Variants in RBFOX1 observed in about 807,000 individuals in gnomAD.
RBFOX1 encodes RNA binding protein fox-1 homolog 1.
In RBFOX1, 8 loss-of-function variants were observed where a neutral mutation model predicts 57.7. The observed-to-expected ratio is 0.14, with a 90% CI of 0.08 to 0.25. The LOEUF (loss-of-function observed/expected upper bound fraction) is 0.25, where lower values mean the gene tolerates loss of function less well. Among genes scored for constraint, RBFOX1 ranks in the 10% least tolerant of loss-of-function variants. The pLI, the probability that RBFOX1 is intolerant of heterozygous loss-of-function variation, is 1.00. For synonymous variants in RBFOX1, 326 were observed against 222.4 expected (o/e 1.47, Z -4.15); for missense variants, 611 against 548.5 (o/e 1.11, Z -1.14).
intron 4 of RBFOX1, among the ~76,000 whole-genome samples, chr16:7,313,104 C>A (rs976596587): frequency 2.0e-5 from 3 of 152,152 alleles, no homozygotes; most frequent in African/African-American, 7.2e-5. Flanking sequence ...ACTTCCACAT[C>A]ACTCTTCATC....
chr16:6,762,003 G>A (rs375360145), intron 3 of RBFOX1, among the ~76,000 whole-genome samples: 325 of 152,154 alleles, frequency 2.1e-3, no homozygotes, highest in Middle Eastern at 3.4e-3. Flanking sequence ...GCTCAAGCTC[G>A]ACAACTCTAC....
At chr16:7,282,208 C>T (rs545968710) in intron 4 of RBFOX1, among the ~76,000 whole-genome samples, 7 of 152,218 alleles carry the variant, frequency 4.6e-5, no homozygotes, top group African/African-American at 9.6e-5. Context: ...CACCACTCAC[C>T]GCCCCAAACC....
At chr16:6,450,007 T>G (rs1314108289) in intron 2 of RBFOX1, among the ~76,000 whole-genome samples, 1 of 152,212 alleles carries the variant, frequency 6.6e-6, no homozygotes, top group East Asian at 1.9e-4. Flanking sequence ...AGAATTGCTT[T>G]TATTGGATTG....
chr16:6,818,971 A>C (rs149902462), intron 3 of RBFOX1, among the ~76,000 whole-genome samples: 17 of 142,536 alleles, frequency 1.2e-4, no homozygotes, highest in African/African-American at 4.1e-4. Context: ...CATGGGTTGA[A>C]AGGCACCTGT....
intron 1 of RBFOX1, among the ~76,000 whole-genome samples, chr16:6,191,786 C>T (rs1388309529): frequency 3.3e-5 from 5 of 152,110 alleles, no homozygotes; most frequent in African/African-American, 1.2e-4. Flanking sequence ...TATGGAAGTT[C>T]ACCACAGAGC....
intron 4 of RBFOX1, among the ~76,000 whole-genome samples, chr16:5,869,742 A>G (rs2057423902): frequency 6.6e-6 from 1 of 152,168 alleles, no homozygotes; most frequent in Non-Finnish European, 1.5e-5. Flanking sequence ...ACCTGTTGAA[A>G]AAAGGAGGTC....
At chr16:5,969,026 A>G (rs2036256442) in intron 4 of RBFOX1, among the ~76,000 whole-genome samples, 1 of 151,976 alleles carries the variant, frequency 6.6e-6, no homozygotes. Flanking sequence ...ATTCTTGGTT[A>G]TTAAAATGAG....
At chr16:7,703,812 A>T (rs1019656726) in intron 14 of RBFOX1, among the ~76,000 whole-genome samples, 1 of 152,236 alleles carries the variant, frequency 6.6e-6, no homozygotes, top group African/African-American at 2.4e-5. Flanking sequence ...CATTTGAACT[A>T]CATCTGTAAC....
intron 4 of RBFOX1, chr16:7,332,899 G>A (rs2096717525): frequency 4.4e-6 from 7 of 1,578,034 alleles, no homozygotes; most frequent in Non-Finnish European, 6.0e-6. Flanking sequence ...GAAGGGATTT[G>A]GCTCCCAGCT....
chr16:6,257,970 T>C (rs887658732), intron 1 of RBFOX1, among the ~76,000 whole-genome samples: 19 of 152,110 alleles, frequency 1.2e-4, no homozygotes, highest in African/African-American at 4.6e-4. Context: ...AGATGGTAGT[T>C]CTCTTTTTTG....
At chr16:5,773,734 G>C (rs759593366) in intron 3 of RBFOX1, among the ~76,000 whole-genome samples, 3 of 152,184 alleles carry the variant, frequency 2.0e-5, no homozygotes, top group Non-Finnish European at 4.4e-5. Context: ...GTCTCGCTCT[G>C]TTGCCCAGGC....
intron 2 of RBFOX1, among the ~76,000 whole-genome samples, chr16:5,533,627 C>G (rs1220860977): frequency 6.6e-6 from 1 of 152,182 alleles, no homozygotes; most frequent in South Asian, 2.1e-4. Context: ...GATATTATCA[C>G]TCCTGATGAA....
chr16:5,809,433 G>C (rs977830997), intron 3 of RBFOX1, among the ~76,000 whole-genome samples: 12 of 81,460 alleles, frequency 1.5e-4, no homozygotes, highest in African/African-American at 4.2e-4. Context: ...ATCTGACAAA[G>C]GGCTAATATC....
chr16:7,369,293 G>A (rs1217042015), intron 4 of RBFOX1, among the ~76,000 whole-genome samples: 4 of 152,046 alleles, frequency 2.6e-5, no homozygotes, highest in South Asian at 2.1e-4. Context: ...TCTTCCAGAG[G>A]AAGCTCAAAG....
At chr16:6,375,500 C>T (rs967986020) in intron 2 of RBFOX1, among the ~76,000 whole-genome samples, 11 of 151,678 alleles carry the variant, frequency 7.3e-5, no homozygotes, top group African/African-American at 2.2e-4. Context: ...ATGATCGTTT[C>T]TGGGCAGGGG....
chr16:6,663,511 C>G (rs1347822965), intron 3 of RBFOX1, among the ~76,000 whole-genome samples: 1 of 152,142 alleles, frequency 6.6e-6, no homozygotes, highest in Non-Finnish European at 1.5e-5. Flanking sequence ...AAGGTTCACT[C>G]CTTCCTGGAA....
At chr16:6,433,539 T>G (rs1241790601) in intron 2 of RBFOX1, among the ~76,000 whole-genome samples, 1 of 152,216 alleles carries the variant, frequency 6.6e-6, no homozygotes, top group Non-Finnish European at 1.5e-5. Flanking sequence ...AGTTTCTCAT[T>G]GGTGCTGTAA....
intron 4 of RBFOX1, among the ~76,000 whole-genome samples, chr16:7,494,572 A>C (rs1303234393): frequency 6.6e-6 from 1 of 152,208 alleles, no homozygotes; most frequent in African/African-American, 2.4e-5. Flanking sequence ...AGTGATAAGA[A>C]ATTTACTTTC....
intron 3 of RBFOX1, among the ~76,000 whole-genome samples, chr16:5,756,805 G>A (rs564677930): frequency 6.6e-6 from 1 of 152,258 alleles, no homozygotes; most frequent in South Asian, 2.1e-4. Flanking sequence ...CCAGCTTCGT[G>A]GGAAAGGTGG....
Sources: allele counts gnomAD v4.1 joint callset (sites outside exome capture counted in the v4.1 genomes callset), GRCh38; gene constraint gnomAD v4.1.1; transcripts MANE v1.5; gene names NCBI Gene and HGNC (gene_info 2026-07-23, HGNC 2026-07-21).